Variants in TASP1 observed in about 807,000 individuals in gnomAD.
The protein encoded by TASP1 is threonine aspartase 1.
Under a neutral mutation model 56.6 loss-of-function variants are expected in TASP1, and 16 were observed. That is an observed-to-expected ratio of 0.28 (90% CI 0.19 to 0.43). The LOEUF (loss-of-function observed/expected upper bound fraction) is 0.43. TASP1 is among the 20% of genes least tolerant of loss of function. The probability of loss-of-function intolerance (pLI) is 1.00; values close to 1 mark genes in which losing one functional copy is unlikely to be tolerated. For missense variants in TASP1, 393 were observed against 511.6 expected (o/e 0.77, Z 2.24); for synonymous variants, 179 against 184.2 (o/e 0.97, Z 0.23).
the TASP1 span, among the ~76,000 whole-genome samples, chr20:13,323,437 T>C: frequency 1.3e-5 from 2 of 152,146 alleles, no homozygotes; most frequent in African/African-American, 4.8e-5. Flanking sequence ...ACCCAGTGTG[T>C]TACCAAAGAG....
intron 13 of TASP1, chr20:13,393,500 C>A (rs1339655067): frequency 1.3e-6 from 1 of 782,988 alleles, no homozygotes; most frequent in Non-Finnish European, 2.2e-6. Context: ...TCCTGGACTA[C>A]ACTGAGCACC....
chr20:13,345,095 T>C, the TASP1 span, among the ~76,000 whole-genome samples: 1 of 152,026 alleles, frequency 6.6e-6, no homozygotes, highest in African/African-American at 2.4e-5. Context: ...TGATTCTGCC[T>C]CTTAAAACTG....
At chr20:13,516,668 T>G (rs1049371870) in intron 10 of TASP1, among the ~76,000 whole-genome samples, 15 of 151,642 alleles carry the variant, frequency 9.9e-5, no homozygotes, top group Middle Eastern at 3.4e-3. Flanking sequence ...GTTTTTTTTT[T>G]TTTTTTTTTT....
chr20:13,534,840 C>T (rs1031133069), intron 8 of TASP1, among the ~76,000 whole-genome samples: 1 of 152,140 alleles, frequency 6.6e-6, no homozygotes, highest in African/African-American at 2.4e-5. Flanking sequence ...CTGTCTCCTA[C>T]CTCCAAAGTT....
the TASP1 span, among the ~76,000 whole-genome samples, chr20:13,381,126 A>G: frequency 6.6e-6 from 1 of 152,076 alleles, no homozygotes; most frequent in Non-Finnish European, 1.5e-5. Flanking sequence ...TGGGGTGTGG[A>G]AAAAAACTCC....
At position 13,625,176 on chromosome 20, in the gene TASP1, T is replaced by G; in HGVS notation, c.213+9A>C. The G allele has an allele frequency of 6.3e-7, 1 of 1,599,394 alleles. No homozygotes were observed. The highest frequency in any genetic ancestry group is 8.5e-7 in the Non-Finnish European group (1 of 1,173,860). ...TGCAATGCACAGATCATACACATTG[T>G]GTTCATACCTTCTGACAAGCTCGTT... is the stretch of plus-strand genomic sequence containing the variant. On this transcript the variant is annotated intron_variant, in intron 3 of 13. Transcript: ENST00000337743.
intron 4 of TASP1, among the ~76,000 whole-genome samples, chr20:13,593,848 T>C (rs1358984071): frequency 6.6e-6 from 1 of 152,228 alleles, no homozygotes; most frequent in African/African-American, 2.4e-5. Flanking sequence ...AAGAGAGCAG[T>C]GGTTCTCCCA....
In TASP1 at chr20:13,395,254, C is replaced by T. The variant is rs2041479906; in HGVS notation, c.1171-4802G>A. On this transcript the variant is annotated intron_variant, in intron 13 of 13. Coordinates refer to ENST00000337743, the MANE Select transcript of TASP1 (RefSeq NM_017714.3). The stretch of plus-strand genomic sequence containing the variant: ...CTGACAAATCCAGCACAAGGAGGAA[C>T]ATGAAAAACACTAGGGTAAAGTTGT... Among the ~76,000 whole-genome samples the T allele has an allele frequency of 1.3e-5, 2 of 152,182 alleles. 1 individual carries two copies. Among genetic ancestry groups the T allele is most frequent in the South Asian group, 4.1e-4 (2 of 4,830 alleles).
chr20:13,113,200 A>C, the TASP1 span, among the ~76,000 whole-genome samples: 113 of 152,222 alleles, frequency 7.4e-4, no homozygotes, highest in African/African-American at 2.4e-3. Context: ...ACAACAACAA[A>C]AAATTATTTC....
At chr20:13,339,575 G>T in the TASP1 span, among the ~76,000 whole-genome samples, 2 of 152,126 alleles carry the variant, frequency 1.3e-5, no homozygotes, top group African/African-American at 2.4e-5. Flanking sequence ...GATTTTGAAC[G>T]AATTTTCTAC....
At chr20:13,436,602 G>T (rs971019633) in intron 11 of TASP1, among the ~76,000 whole-genome samples, 18 of 152,082 alleles carry the variant, frequency 1.2e-4, no homozygotes, top group Middle Eastern at 3.2e-3. Context: ...GGAGCATCAG[G>T]GTTAGCCCAG....
At chr20:13,546,620 C>T (rs1356247456) in intron 8 of TASP1, among the ~76,000 whole-genome samples, 2 of 151,980 alleles carry the variant, frequency 1.3e-5, no homozygotes, top group South Asian at 2.1e-4. Context: ...CTTTTCTTGG[C>T]GGTGTGGGGA....
At chr20:13,239,939 G>C in the TASP1 span, among the ~76,000 whole-genome samples, 1 of 152,216 alleles carries the variant, frequency 6.6e-6, no homozygotes, top group Non-Finnish European at 1.5e-5. Flanking sequence ...CTTAGCTAAA[G>C]AGAATTAGAG....
At chr20:13,420,055 C>A (rs1482059891) in intron 12 of TASP1, among the ~76,000 whole-genome samples, 5 of 152,156 alleles carry the variant, frequency 3.3e-5, no homozygotes, top group African/African-American at 1.2e-4. Flanking sequence ...AAAGTTAAAG[C>A]ATTTCTAAAA....
chr20:13,241,778 A>G, the TASP1 span, among the ~76,000 whole-genome samples: 2 of 152,180 alleles, frequency 1.3e-5, no homozygotes, highest in Admixed American at 1.3e-4. Context: ...GTTTGAGGAC[A>G]TGAATCTAAA....
chr20:13,394,756 T>A (rs2041458593), intron 13 of TASP1, among the ~76,000 whole-genome samples: 1 of 152,140 alleles, frequency 6.6e-6, no homozygotes, highest in South Asian at 2.1e-4. Context: ...CCACTGGCCG[T>A]GTAGTTATAA....
At chr20:13,364,001 A>C in the TASP1 span, among the ~76,000 whole-genome samples, 2 of 152,280 alleles carry the variant, frequency 1.3e-5, no homozygotes, top group East Asian at 3.9e-4. Context: ...ATTTGTATAT[A>C]ATAACTCACA....
chr20:13,195,458 G>C, the TASP1 span, among the ~76,000 whole-genome samples: 22 of 152,282 alleles, frequency 1.4e-4, no homozygotes, highest in Non-Finnish European at 2.4e-4. Context: ...CCTCAATCAG[G>C]CTAGCCTGTG....
At chr20:13,475,082 A>C (rs1031529409) in intron 11 of TASP1, among the ~76,000 whole-genome samples, 1 of 152,204 alleles carries the variant, frequency 6.6e-6, no homozygotes, top group African/African-American at 2.4e-5. Flanking sequence ...TGGAAAAGTA[A>C]TCCCTACCAA....
Sources: gnomAD v4.1 joint callset for allele counts (sites outside exome capture counted in the v4.1 genomes callset) on GRCh38, gnomAD v4.1.1 for gene constraint, MANE v1.5 for transcripts, NCBI Gene and HGNC (gene_info 2026-07-23, HGNC 2026-07-21) for gene names.